Variants in CHD6 observed in about 807,000 individuals in gnomAD.
CHD6 encodes ATP-dependent chromatin remodeler CHD6.
CHD6 carries 50 observed loss-of-function variants against 276.9 expected under a neutral mutation model. That is an observed-to-expected ratio of 0.18 (90% confidence interval 0.14 to 0.23). The LOEUF is 0.23. Ranked by LOEUF, CHD6 falls within the 10% of genes least tolerant of loss-of-function variation. The probability of loss-of-function intolerance (pLI) is 1.00; values close to 1 mark genes in which losing one functional copy is unlikely to be tolerated. For synonymous variants in CHD6, 1,173 were observed against 1,229.3 expected (o/e 0.95, Z 0.96); for missense variants, 2,564 against 3,365.8 (o/e 0.76, Z 5.89).
rs903432521 is a variant in CHD6 at position 41,521,649 on chromosome 20, A to G, written c.555-6697T>C. Among the ~76,000 whole-genome samples the G allele has an allele frequency of 2.0e-5, 3 of 152,188 alleles. No homozygotes were observed. The East Asian group carries it at 5.8e-4, about 29-fold the overall frequency. On this transcript the variant is annotated intron_variant, in intron 3 of 36. Transcript: ENST00000373233. ...CTAGTTTTGACAACAGAAAGGGCCTAAGAGCAAAGATGCCCTATCAGCAAT... is the reference window on the plus strand; with the variant it reads ...CTAGTTTTGACAACAGAAAGGGCCTGAGAGCAAAGATGCCCTATCAGCAAT...
intron 27 of CHD6, among the ~76,000 whole-genome samples, chr20:41,433,068 A>G (rs6102415): frequency 0.056 from 8,412 of 151,436 alleles, 805 homozygotes; most frequent in African/African-American, 0.2. Flanking sequence ...AAAGTACCCA[A>G]TGTGAATAAC....
intron 3 of CHD6, among the ~76,000 whole-genome samples, chr20:41,526,323 T>C (rs546777690): frequency 1.2e-4 from 18 of 152,312 alleles, no homozygotes; most frequent in African/African-American, 4.3e-4. Flanking sequence ...TTCTAATAAA[T>C]GGTCACAATG....
chr20:41,506,107 T>C (rs1350261726), intron 5 of CHD6, among the ~76,000 whole-genome samples: 2 of 152,208 alleles, frequency 1.3e-5, no homozygotes, highest in African/African-American at 4.8e-5. Flanking sequence ...TCTCCATTGC[T>C]TCTAACCTGA....
At chr20:41,411,419 C>A (rs1029404535) in intron 36 of CHD6, among the ~76,000 whole-genome samples, 1 of 151,772 alleles carries the variant, frequency 6.6e-6, no homozygotes, top group Admixed American at 6.6e-5. Context: ...GTTTATGGAA[C>A]AACCTGGGAA....
At chr20:41,539,674 C>T (rs561866522) in intron 2 of CHD6, among the ~76,000 whole-genome samples, 1 of 152,278 alleles carries the variant, frequency 6.6e-6, no homozygotes, top group South Asian at 2.1e-4. Flanking sequence ...TGTGGATATC[C>T]TTTTAAACAG....
At chr20:41,596,917 A>T (rs921824109) in intron 1 of CHD6, among the ~76,000 whole-genome samples, 1 of 152,170 alleles carries the variant, frequency 6.6e-6, no homozygotes, top group African/African-American at 2.4e-5. Flanking sequence ...AGTATATGTA[A>T]GAAGGGATAA....
At chr20:41,612,057 C>A (rs1344480480) in intron 1 of CHD6, among the ~76,000 whole-genome samples, 1 of 152,012 alleles carries the variant, frequency 6.6e-6, no homozygotes, top group Non-Finnish European at 1.5e-5. Context: ...TCATAAAACA[C>A]CAGAAAAATG....
chr20:41,554,980 C>A (rs1315846881), intron 1 of CHD6, among the ~76,000 whole-genome samples: 5 of 151,364 alleles, frequency 3.3e-5, no homozygotes, highest in Admixed American at 6.5e-5. Context: ...CCCCTCACCT[C>A]CCGGACGGGG....
intron 15 of CHD6, 119 bp downstream of exon 15, chr20:41,484,233 G>A: frequency 8.1e-7 from 1 of 1,239,534 alleles, no homozygotes; most frequent in Non-Finnish European, 1.1e-6. Context: ...CTGTAAAAAG[G>A]TGAGAATGCG....
rs144717116 is a variant in CHD6, at chr20:41,443,280, T to C, written c.3877+2385A>G. On this transcript the variant is annotated intron_variant, in intron 25 of 36. Transcript: ENST00000373233. ...ATCTGGGCTGACTCTATCTCCAATA[T>C]GAGACTAAGAGATCAACTGATTAAT... 3.0e-3 allele frequency among the ~76,000 whole-genome samples: 464 copies of C among 152,336 alleles called. 2 individuals carry two copies. Among genetic ancestry groups the C allele is most frequent in the Middle Eastern group, 0.024 (7 of 294 alleles).
Position 41,533,198 on chromosome 20 carries a change from G to A in CHD6, c.406C>T (p.Pro136Ser). 6.2e-7 allele frequency: 1 copy of A among 1,613,824 alleles called. No homozygotes were observed. Among genetic ancestry groups the A allele is most frequent in the Non-Finnish European group, 8.5e-7 (1 of 1,180,026 alleles). ...EPKEPRKAKE[P>S]KKAKEHKEPK... ...TCCTTGTGCTCCTTGGCCTTCTTCG[G>A]CTCCTTGGCCTTTCTGGGTTCCTTT... is the stretch of plus-strand genomic sequence containing the variant. Residue 136 changes from proline (P) to serine (S), a missense_variant, in exon 3 of 37, where the codon CCG (proline) becomes TCG (serine). Pro to Ser is a moderately conservative substitution (Grantham distance 74). Coordinates refer to ENST00000373233, the MANE Select transcript of CHD6 (RefSeq NM_032221.5).
chr20:41,514,802 T>C lies in CHD6; in HGVS notation c.702+3A>G. On this transcript the variant is annotated splice_donor_region_variant and intron_variant, in intron 4 of 36. Coordinates refer to ENST00000373233, the MANE Select transcript of CHD6 (RefSeq NM_032221.5). ...CCACCAGGCCTCCCGGTCACAGCTG[T>C]ACCTGGCTGTCTGTAGACTCAGTGG... 2 of 1,613,596 alleles carry C rather than the reference T, an allele frequency of 1.2e-6. No homozygotes were observed. The highest frequency in any genetic ancestry group is 1.7e-6 in the Non-Finnish European group (2 of 1,179,740).
chr20:41,526,175 T>C (rs1173910723), intron 3 of CHD6, among the ~76,000 whole-genome samples: 2 of 151,622 alleles, frequency 1.3e-5, no homozygotes, highest in Non-Finnish European at 2.9e-5. Context: ...ACCCCAGAAA[T>C]AAAGACTTAG....
chr20:41,497,226 G>A, intron 8 of CHD6, 158 bp downstream of exon 8: 1 of 611,196 alleles, frequency 1.6e-6, no homozygotes, highest in Non-Finnish European at 2.9e-6. Flanking sequence ...TCTTTGACTT[G>A]AATCTAGACT....
chr20:41,416,665 G>C lies in CHD6; in HGVS notation c.6409C>G (p.Arg2137Gly), dbSNP rs1273223001. The change falls in exon 33 of 37, where the codon CGA becomes GGA. Residue 2137 changes from arginine to glycine, a missense_variant. Transcript: ENST00000373233. The part of the protein sequence containing the change: ...TPVLTSSAGS[R>G]TSLSEPEAAE... ...GCTTCCGGCTCTGAGAGGCTGGTTC[G>C]AGAACCAGCACTGCTGGTTAATACC... is the stretch of plus-strand genomic sequence containing the variant. 2 of 1,614,014 alleles carry C rather than the reference G, an allele frequency of 1.2e-6. No individual in the cohort carries two copies. The highest frequency in any genetic ancestry group is 3.3e-5 in the Admixed American group (2 of 60,020).
chr20:41,491,345 GGTTTT>G (rs993120811), intron 11 of CHD6, among the ~76,000 whole-genome samples: 21 of 145,606 alleles, frequency 1.4e-4, no homozygotes, highest in Non-Finnish European at 2.4e-4. Flanking sequence ...TATATTTTTT[GGTTTT>G]GTTTTGTTTT....
intron 17 of CHD6, among the ~76,000 whole-genome samples, chr20:41,466,233 G>T (rs1185120034): frequency 6.6e-6 from 1 of 152,080 alleles, no homozygotes; most frequent in Non-Finnish European, 1.5e-5. Context: ...CACACAGTTT[G>T]TTTTAGTTTT....
intron 1 of CHD6, among the ~76,000 whole-genome samples, chr20:41,605,751 C>T (rs537290365): frequency 5.1e-5 from 7 of 138,030 alleles, no homozygotes; most frequent in African/African-American, 2.2e-4. Context: ...TTAATCAGAA[C>T]TATTAGTAAA....
At chr20:41,451,145 G>A (rs775814459) in intron 22 of CHD6, 40 bp from the exon 23 acceptor site, 2 of 1,579,468 alleles carry the variant, frequency 1.3e-6, no homozygotes, top group South Asian at 1.1e-5. Context: ...GGATAGCCAA[G>A]GGGGGTGTTA....
Sources: allele counts gnomAD v4.1 joint callset (sites outside exome capture counted in the v4.1 genomes callset), GRCh38; gene constraint gnomAD v4.1.1; transcripts MANE v1.5; gene names NCBI Gene and HGNC (gene_info 2026-07-23, HGNC 2026-07-21).